The following NEK11 variants were observed in gnomAD, a reference collection of about 807,000 sequenced individuals.
NEK11 encodes the protein serine/threonine-protein kinase Nek11.
In NEK11, 72 loss-of-function variants were observed where a neutral mutation model predicts 80.7. The ratio of observed to expected loss-of-function variants is 0.89; its 90% confidence interval spans 0.74 to 1.08. The LOEUF is 1.08. Ranked by LOEUF, NEK11 falls within the 50% of genes least tolerant of loss-of-function variation. NEK11 has a pLI of 0.00. For missense variants in NEK11, 764 were observed against 763.6 expected, an observed-to-expected ratio of 1.00 and a Z score of -0.01; for synonymous variants, 251 against 260.7, an observed-to-expected ratio of 0.96 and a Z score of 0.36.
chr3:131,191,735 CTTTTCAACAAAT>C (rs1182910702), intron 14 of NEK11, among the ~76,000 whole-genome samples: 50 of 152,190 alleles, frequency 3.3e-4, no homozygotes, highest in African/African-American at 1.2e-3. Flanking sequence ...TAAGGACAGT[CTTTTCAACAAAT>C]GATATTAGGA....
intron 15 of NEK11, among the ~76,000 whole-genome samples, chr3:131,231,745 TTG>T (rs778708769): frequency 3.3e-5 from 5 of 151,916 alleles, no homozygotes; most frequent in Non-Finnish European, 5.9e-5. Flanking sequence ...ATGGTCAACT[TTG>T]TGAATTGAGA....
intron 13 of NEK11, among the ~76,000 whole-genome samples, chr3:131,170,116 A>C (rs962672500): frequency 6.6e-6 from 1 of 152,220 alleles, no homozygotes; most frequent in Non-Finnish European, 1.5e-5. Context: ...GTAGTTTCCC[A>C]TGAAAACCAT....
In NEK11 at chr3:131,336,785, G is replaced by C. The variant is rs74526657; in HGVS notation, c.1719-12772G>C. 1.3e-3 allele frequency among the ~76,000 whole-genome samples: 200 copies of C among 151,574 alleles called. 1 individual carries two copies. The highest frequency in any genetic ancestry group is 2.9e-3 in the South Asian group (14 of 4,808). Reference sequence around the variant, plus strand: ...ACAAATTTACAAGAAAAAAACAACCGCATCAAAAAGTGGGTGAAGGACATG... The same window carrying C: ...ACAAATTTACAAGAAAAAAACAACCCCATCAAAAAGTGGGTGAAGGACATG... On this transcript the variant is annotated intron_variant, in intron 17 of 17. Transcript: ENST00000383366.
rs144690874 is a variant in NEK11, at chr3:131,218,813, C to G, written c.1400-9715C>G. Among the ~76,000 whole-genome samples, 198 of 152,240 alleles carry G rather than the reference C, an allele frequency of 1.3e-3. 1 individual carries two copies. The highest frequency in any genetic ancestry group is 4.6e-3 in the African/African-American group (192 of 41,548). On this transcript the variant is annotated intron_variant, in intron 14 of 17. Transcript: ENST00000383366. ...TTCTCTAATGACCAGTGATGATGAG[C>G]TTTTTTTCATATGTTTGTTGGTCAC...
intron 17 of NEK11, among the ~76,000 whole-genome samples, chr3:131,336,379 A>G (rs993666127): frequency 6.6e-6 from 1 of 152,236 alleles, no homozygotes; most frequent in Non-Finnish European, 1.5e-5. Flanking sequence ...AGAATTCCCT[A>G]TTTCATAAAT....
At chr3:131,186,269 C>T (rs764377382) in intron 14 of NEK11, among the ~76,000 whole-genome samples, 1 of 152,014 alleles carries the variant, frequency 6.6e-6, no homozygotes, top group Non-Finnish European at 1.5e-5. Flanking sequence ...ATTGTTTTTG[C>T]GTTTATGAAA....
chr3:131,077,815 T>C (rs1192982541), intron 3 of NEK11, among the ~76,000 whole-genome samples: 1 of 152,232 alleles, frequency 6.6e-6, no homozygotes, highest in Non-Finnish European at 1.5e-5. Flanking sequence ...TCTTTGGGTA[T>C]ACTAACAGTC....
intron 17 of NEK11, among the ~76,000 whole-genome samples, chr3:131,302,237 G>T (rs142956113): frequency 6.6e-6 from 1 of 151,718 alleles, no homozygotes; most frequent in East Asian, 1.9e-4. Context: ...TGTTTATTTG[G>T]GTCTTCTCAT....
At position 131,031,972 on chromosome 3, in the gene NEK11, T is replaced by C. The variant is rs890385849; in HGVS notation, c.170+2094T>C. Among the ~76,000 whole-genome samples, 8 of 152,002 alleles carry C rather than the reference T, an allele frequency of 5.3e-5. No homozygotes were observed. In the South Asian group the frequency reaches 1.7e-3, roughly 32 times the overall value. ...TTTTAGTAAATTAATCAGTTTTTTT[T>C]TTTTTTTGAGGCGGAGTCTCACTCT... On this transcript the variant is annotated intron_variant, in intron 3 of 17. Transcript: ENST00000383366.
intron 3 of NEK11, among the ~76,000 whole-genome samples, chr3:131,069,140 T>C (rs2072680284): frequency 1.3e-5 from 2 of 152,144 alleles, no homozygotes; most frequent in Non-Finnish European, 2.9e-5. Flanking sequence ...GATTTTTTTA[T>C]TTTTTATTTT....
chr3:131,128,150 C>T (rs1030516426), intron 5 of NEK11, among the ~76,000 whole-genome samples: 4 of 152,122 alleles, frequency 2.6e-5, no homozygotes, highest in African/African-American at 9.7e-5. Flanking sequence ...AACAGATGAA[C>T]CTACATTGAC....
chr3:131,314,925 A>AACTT (rs2096821363), intron 17 of NEK11, among the ~76,000 whole-genome samples: 1 of 152,206 alleles, frequency 6.6e-6, no homozygotes, highest in African/African-American at 2.4e-5. Flanking sequence ...ACAAACAAAT[A>AACTT]ACTTATAAAT....
intron 16 of NEK11, among the ~76,000 whole-genome samples, chr3:131,247,312 G>A (rs1283949131): frequency 6.6e-6 from 1 of 152,100 alleles, no homozygotes; most frequent in Non-Finnish European, 1.5e-5. Context: ...GAGAGATGAG[G>A]ATCCAGTTTC....
At chr3:131,177,361 G>A (rs2093084517) in intron 14 of NEK11, among the ~76,000 whole-genome samples, 1 of 152,230 alleles carries the variant, frequency 6.6e-6, no homozygotes, top group Non-Finnish European at 1.5e-5. Flanking sequence ...AAAATTTACT[G>A]TATTAAGTGA....
intron 3 of NEK11, among the ~76,000 whole-genome samples, chr3:131,063,788 GT>G (rs2148838741): frequency 6.6e-6 from 1 of 152,270 alleles, no homozygotes; most frequent in South Asian, 2.1e-4. Flanking sequence ...TACTACAAGT[GT>G]AAAATTACCC....
chr3:131,194,931 A>G (rs1161104432), intron 14 of NEK11, among the ~76,000 whole-genome samples: 1 of 152,120 alleles, frequency 6.6e-6, no homozygotes, highest in East Asian at 1.9e-4. Context: ...AAACTTTCCC[A>G]AGTTTCAACA....
At chr3:131,305,364 A>G (rs1363224967) in intron 17 of NEK11, among the ~76,000 whole-genome samples, 3 of 152,030 alleles carry the variant, frequency 2.0e-5, no homozygotes, top group Non-Finnish European at 2.9e-5. Flanking sequence ...CCTCTGGGAA[A>G]TATCCTGGTT....
intron 15 of NEK11, among the ~76,000 whole-genome samples, chr3:131,237,688 T>C (rs1314477545): frequency 1.3e-5 from 2 of 152,054 alleles, no homozygotes; most frequent in East Asian, 1.9e-4. Context: ...GTTAGGAGTC[T>C]CTAATAGACA....
At chr3:131,143,165 C>A (rs1043261370) in intron 7 of NEK11, among the ~76,000 whole-genome samples, 1 of 152,130 alleles carries the variant, frequency 6.6e-6, no homozygotes, top group African/African-American at 2.4e-5. Flanking sequence ...TCAATAAATT[C>A]TTTTGGACAG....
Sources: allele counts gnomAD v4.1 joint callset (sites outside exome capture counted in the v4.1 genomes callset), GRCh38; gene constraint gnomAD v4.1.1; transcripts MANE v1.5; gene names NCBI Gene and HGNC (gene_info 2026-07-23, HGNC 2026-07-21).